PRKD1: variants seen among roughly 807,000 people sequenced by gnomAD.
The protein encoded by PRKD1 is protein kinase D1.
In PRKD1, 63 loss-of-function variants were observed where a neutral mutation model predicts 95.9. That is an observed-to-expected ratio of 0.66 (90% confidence interval 0.54 to 0.81). The LOEUF (loss-of-function observed/expected upper bound fraction) is 0.81, where lower values mean the gene tolerates loss of function less well. Among genes scored for constraint, PRKD1 ranks in the 30% least tolerant of loss-of-function variants. The pLI, the probability that PRKD1 is intolerant of heterozygous loss-of-function variation, is 0.00. For missense variants in PRKD1, 1,048 were observed against 1,165.3 expected (o/e 0.90, Z 1.47); for synonymous variants, 425 against 423.1 (o/e 1.00, Z -0.05).
chr14:29,719,075 T>TA (rs1174223572), intron 2 of PRKD1, among the ~76,000 whole-genome samples: 1 of 152,084 alleles, frequency 6.6e-6, no homozygotes, highest in Non-Finnish European at 1.5e-5. Flanking sequence ...AAAAGAAGCT[T>TA]AATAAAATGT....
chr14:29,733,127 G>C (rs1227930715), intron 1 of PRKD1, among the ~76,000 whole-genome samples: 2 of 146,258 alleles, frequency 1.4e-5, no homozygotes, highest in Admixed American at 1.4e-4. Flanking sequence ...TTTTGAGATG[G>C]AGTCTCGCTC....
At chr14:29,870,613 ATTTGCT>A (rs892609658) in intron 1 of PRKD1, among the ~76,000 whole-genome samples, 1 of 152,146 alleles carries the variant, frequency 6.6e-6, no homozygotes, top group African/African-American at 2.4e-5. Flanking sequence ...AATTCCTTTC[ATTTGCT>A]TTGTAATAAC....
chr14:29,707,681 C>T (rs930056519), intron 2 of PRKD1, among the ~76,000 whole-genome samples: 1 of 152,138 alleles, frequency 6.6e-6, no homozygotes, highest in East Asian at 1.9e-4. Flanking sequence ...CAAACTAGGG[C>T]AGAACCTCCA....
intron 13 of PRKD1, among the ~76,000 whole-genome samples, chr14:29,620,951 A>T (rs1286247364): frequency 1.3e-5 from 2 of 152,024 alleles, no homozygotes; most frequent in African/African-American, 4.8e-5. Context: ...GATAGACTGG[A>T]TTAAGGAAAT....
At chr14:29,588,326 TACCATGTGGTAATGGTGC>T (rs1388950537) in intron 16 of PRKD1, among the ~76,000 whole-genome samples, 1 of 152,198 alleles carries the variant, frequency 6.6e-6, no homozygotes, top group Non-Finnish European at 1.5e-5. Context: ...TTTGAAAACA[TACCATGTGGTAATGGTGC>T]TGGGCTTTTA....
At chr14:29,862,648 T>A (rs1566642507) in intron 1 of PRKD1, among the ~76,000 whole-genome samples, 1 of 152,222 alleles carries the variant, frequency 6.6e-6, no homozygotes, top group Non-Finnish European at 1.5e-5. Context: ...CTTATGTCTG[T>A]TTGCCATTTG....
intron 1 of PRKD1, among the ~76,000 whole-genome samples, chr14:29,795,576 T>C (rs1327247921): frequency 5.3e-5 from 8 of 152,122 alleles, no homozygotes; most frequent in African/African-American, 1.4e-4. Flanking sequence ...TGGTGACTCT[T>C]AAGGTTGAAA....
chr14:29,879,163 C>T (rs1181398765), intron 1 of PRKD1, among the ~76,000 whole-genome samples: 3 of 152,202 alleles, frequency 2.0e-5, no homozygotes, highest in Non-Finnish European at 4.4e-5. Flanking sequence ...CCAAATCCTT[C>T]TCTATTATGC....
At chr14:29,737,328 C>CA (rs796557046) in intron 1 of PRKD1, among the ~76,000 whole-genome samples, 2,329 of 37,878 alleles carry the variant, frequency 0.061, 568 homozygotes, top group Middle Eastern at 0.086. Flanking sequence ...GACTCCGTCT[C>CA]AAAAAAAAAA....
At chr14:29,799,821 C>A (rs553914520) in intron 1 of PRKD1, among the ~76,000 whole-genome samples, 2 of 152,216 alleles carry the variant, frequency 1.3e-5, no homozygotes, top group Admixed American at 6.5e-5. Context: ...AAATGAACTA[C>A]CCAATGTACA....
intron 4 of PRKD1, among the ~76,000 whole-genome samples, chr14:29,656,756 C>T (rs1430676493): frequency 6.6e-6 from 1 of 151,956 alleles, no homozygotes. Context: ...AATTGTGAGT[C>T]GCTAGATGTT....
At chr14:29,755,008 A>G (rs888730875) in intron 1 of PRKD1, among the ~76,000 whole-genome samples, 3 of 152,064 alleles carry the variant, frequency 2.0e-5, no homozygotes, top group Non-Finnish European at 2.9e-5. Flanking sequence ...TATAAATTCA[A>G]TTATGTTAAT....
chr14:29,610,588 G>A (rs916036813), intron 13 of PRKD1, among the ~76,000 whole-genome samples: 1 of 152,166 alleles, frequency 6.6e-6, no homozygotes, highest in Non-Finnish European at 1.5e-5. Context: ...AAATGGTACA[G>A]CAACTTTGGG....
chr14:29,681,293 T>A (rs974146762), intron 2 of PRKD1, among the ~76,000 whole-genome samples: 2 of 152,124 alleles, frequency 1.3e-5, no homozygotes, highest in African/African-American at 4.8e-5. Flanking sequence ...TAAAACAAAG[T>A]TTTCTTGTGT....
chr14:29,613,524 C>T (rs1402558834), intron 13 of PRKD1, among the ~76,000 whole-genome samples: 2 of 152,286 alleles, frequency 1.3e-5, no homozygotes, highest in South Asian at 2.1e-4. Flanking sequence ...GTTGTGGCTA[C>T]ATATTTCATT....
At chr14:29,635,641 T>C (rs1375080103) in intron 7 of PRKD1, among the ~76,000 whole-genome samples, 1 of 152,156 alleles carries the variant, frequency 6.6e-6, no homozygotes, top group South Asian at 2.1e-4. Context: ...ATAAATATTT[T>C]AGTTTTTGCA....
At chr14:29,609,506 G>GCGCACACACA (rs1555327739) in intron 13 of PRKD1, among the ~76,000 whole-genome samples, 1 of 127,428 alleles carries the variant, frequency 7.8e-6, no homozygotes, top group Non-Finnish European at 1.6e-5. Flanking sequence ...GTGTGTGCGT[G>GCGCACACACA]CACACACACA....
At chr14:29,705,403 CCCT>C (rs1174359115) in intron 2 of PRKD1, among the ~76,000 whole-genome samples, 1 of 151,640 alleles carries the variant, frequency 6.6e-6, no homozygotes, top group Non-Finnish European at 1.5e-5. Context: ...ACCAACCTAA[CCCT>C]CCTTTTATCA....
At chr14:29,704,690 G>T (rs928672310) in intron 2 of PRKD1, among the ~76,000 whole-genome samples, 16 of 151,892 alleles carry the variant, frequency 1.1e-4, no homozygotes, top group Admixed American at 9.2e-4. Context: ...GGTTTTCTTT[G>T]TTTTGTTTTG....
Sources: gnomAD v4.1 joint callset for allele counts (sites outside exome capture counted in the v4.1 genomes callset) on GRCh38, gnomAD v4.1.1 for gene constraint, MANE v1.5 for transcripts, NCBI Gene and HGNC (gene_info 2026-07-23, HGNC 2026-07-21) for gene names.